Variants in PUM2 observed in about 807,000 individuals in gnomAD.
PUM2 encodes pumilio RNA binding family member 2.
Under a neutral mutation model 124.5 loss-of-function variants are expected in PUM2, and 57 were observed. That is an observed-to-expected ratio of 0.46 (90% CI 0.37 to 0.57). The LOEUF is 0.57. Among genes scored for constraint, PUM2 ranks in the 20% least tolerant of loss-of-function variants. The pLI is 0.00. For missense variants in PUM2, 1,065 were observed against 1,290.6 expected (o/e 0.83, Z 2.68); for synonymous variants, 460 against 446.1 (o/e 1.03, Z -0.39).
chr2:20,251,565 CT>C lies in PUM2; in HGVS notation c.*19del. ...TCTTTTCACATGGTTAAATTATCTTCTTTCTCTTGCTCCTGTAATTTACAGC... is the reference window on the plus strand; with the variant it reads ...TCTTTTCACATGGTTAAATTATCTTCTTCTCTTGCTCCTGTAATTTACAGC... On this transcript the variant is annotated 3_prime_UTR_variant, in exon 21 of 21. Coordinates refer to ENST00000361078, the MANE Select transcript of PUM2 (RefSeq NM_015317.5). The C allele has an allele frequency of 6.2e-7, 1 of 1,600,432 alleles. No individual in the cohort carries two copies.
intron 16 of PUM2, among the ~76,000 whole-genome samples, chr2:20,257,485 T>C (rs1665095276): frequency 6.6e-6 from 1 of 152,214 alleles, no homozygotes; most frequent in Non-Finnish European, 1.5e-5. Context: ...TTGTAATACA[T>C]AAATCATGTA....
intron 4 of PUM2, among the ~76,000 whole-genome samples, 189 bp downstream of exon 4, chr2:20,312,047 T>C (rs2286982): frequency 0.016 from 2,486 of 152,270 alleles, 35 homozygotes; most frequent in Admixed American, 0.043. Context: ...GTTCAGATTA[T>C]ACATATTTCC....
intron 1 of PUM2, among the ~76,000 whole-genome samples, chr2:20,344,501 T>A (rs947329036): frequency 6.6e-6 from 1 of 152,220 alleles, no homozygotes; most frequent in Non-Finnish European, 1.5e-5. Context: ...GGACTGTCCA[T>A]ATTAGATAAA....
In PUM2 at chr2:20,250,641, T is replaced by G. The variant is rs1404544568; in HGVS notation, c.*944A>C. On this transcript the variant is annotated 3_prime_UTR_variant, in exon 21 of 21. Coordinates refer to ENST00000361078, the MANE Select transcript of PUM2 (RefSeq NM_015317.5). ...ATGCTTAAATGCTGAGCTATCAAAT[T>G]CACTTTTCAGTGGCCCCTTTTCATC... The G allele has an allele frequency of 6.6e-6, 1 of 152,218 alleles. No homozygotes were observed. Among genetic ancestry groups the G allele is most frequent in the Non-Finnish European group, 1.5e-5 (1 of 68,008 alleles). 9.4% of individuals were successfully genotyped at this position (152,218 alleles called of 1,614,324 possible).
rs118106248 is a variant in PUM2 at position 20,305,244 on chromosome 2, G to A, written c.883+2734C>T. Among the ~76,000 whole-genome samples the A allele has an allele frequency of 3.0e-3, 451 of 152,110 alleles. 19 individuals carry two copies. In the East Asian group the frequency reaches 0.074, roughly 25 times the overall value. On this transcript the variant is annotated intron_variant, in intron 7 of 20. Coordinates refer to ENST00000361078, the MANE Select transcript of PUM2 (RefSeq NM_015317.5). ...TCATGTCTATAATCCCAGCACTTTG[G>A]GAGGCTGAGTCAGGTGGATTACTTG...
chr2:20,352,189 C>G (rs1244525011), upstream of PUM2: 1 of 152,214 alleles, frequency 6.6e-6, no homozygotes, highest in Non-Finnish European at 1.5e-5. Context: ...TTTTTACTTC[C>G]CAAGTAATTC....
chr2:20,262,964 CTCA>C (rs1198034839), intron 14 of PUM2, among the ~76,000 whole-genome samples: 3 of 152,236 alleles, frequency 2.0e-5, no homozygotes, highest in Middle Eastern at 3.4e-3. Flanking sequence ...CTGCTATATT[CTCA>C]TCATAACAAT....
intron 2 of PUM2, among the ~76,000 whole-genome samples, chr2:20,326,648 G>A (rs778500331): frequency 7.9e-5 from 12 of 151,974 alleles, no homozygotes; most frequent in Non-Finnish European, 1.3e-4. Flanking sequence ...TAATGATGAG[G>A]TTAACTTTGG....
chr2:20,289,454 A>T (rs1255381338), intron 10 of PUM2, among the ~76,000 whole-genome samples: 1 of 152,174 alleles, frequency 6.6e-6, no homozygotes, highest in African/African-American at 2.4e-5. Flanking sequence ...TTCACAGTCC[A>T]TTTCTCAAAA....
At chr2:20,316,963 G>A (rs567691239) in intron 3 of PUM2, among the ~76,000 whole-genome samples, 30 of 152,178 alleles carry the variant, frequency 2.0e-4, no homozygotes, top group Admixed American at 7.9e-4. Context: ...CCTGGGAGGC[G>A]GAGGTTGCAG....
intron 7 of PUM2, among the ~76,000 whole-genome samples, chr2:20,300,554 T>C (rs1044364568): frequency 2.6e-5 from 4 of 152,180 alleles, no homozygotes; most frequent in Admixed American, 6.5e-5. Context: ...GAAGAAAATA[T>C]GAATTAAACT....
At chr2:20,330,876 C>G (rs1185014966) in intron 1 of PUM2, among the ~76,000 whole-genome samples, 1 of 152,120 alleles carries the variant, frequency 6.6e-6, no homozygotes, top group Non-Finnish European at 1.5e-5. Flanking sequence ...GATGCTCTCT[C>G]CAGGGAGATA....
chr2:20,336,663 C>G (rs1270646633), intron 1 of PUM2, among the ~76,000 whole-genome samples: 1 of 146,080 alleles, frequency 6.8e-6, no homozygotes, highest in Non-Finnish European at 1.5e-5. Context: ...ACCACAGGTG[C>G]CACCAGGCCT....
At chr2:20,339,221 C>G (rs1686732362) in intron 1 of PUM2, among the ~76,000 whole-genome samples, 1 of 151,790 alleles carries the variant, frequency 6.6e-6, no homozygotes, top group Non-Finnish European at 1.5e-5. Flanking sequence ...AAATAAATTA[C>G]AGTTATGTAA....
chr2:20,266,673 G>A (rs72785298), intron 13 of PUM2, among the ~76,000 whole-genome samples: 42,865 of 151,938 alleles, frequency 0.28, 6,456 homozygotes, highest in Middle Eastern at 0.35. Flanking sequence ...TTGAAAGCAG[G>A]TCATCTAAAA....
intron 13 of PUM2, among the ~76,000 whole-genome samples, chr2:20,267,752 G>A (rs529796284): frequency 6.6e-6 from 1 of 152,274 alleles, no homozygotes; most frequent in East Asian, 1.9e-4. Context: ...TATGGGACAT[G>A]CAGCTAGTCA....
chr2:20,272,241 G>A (rs1314674807), intron 13 of PUM2, among the ~76,000 whole-genome samples: 3 of 151,926 alleles, frequency 2.0e-5, no homozygotes. Flanking sequence ...TACAACATCT[G>A]GAAGAAGCCA....
intron 1 of PUM2, among the ~76,000 whole-genome samples, chr2:20,345,610 A>T (rs1222691934): frequency 1.3e-5 from 2 of 152,094 alleles, no homozygotes; most frequent in African/African-American, 4.8e-5. Flanking sequence ...ACAGTGGCTC[A>T]CGCCTGTAAT....
At chr2:20,276,782 T>C (rs939966524) in intron 13 of PUM2, among the ~76,000 whole-genome samples, 1 of 151,986 alleles carries the variant, frequency 6.6e-6, no homozygotes, top group African/African-American at 2.4e-5. Context: ...ACTAAAACTA[T>C]GGGAAACTGG....
Sources: gnomAD v4.1 joint callset for allele counts (sites outside exome capture counted in the v4.1 genomes callset) on GRCh38, gnomAD v4.1.1 for gene constraint, MANE v1.5 for transcripts, NCBI Gene and HGNC (gene_info 2026-07-23, HGNC 2026-07-21) for gene names.